Variants in ATE1 observed in about 807,000 individuals in gnomAD.
The protein encoded by ATE1 is arginyl-tRNA--protein transferase 1.
A neutral mutation model predicts 70.5 loss-of-function variants in ATE1; 36 were observed. The observed-to-expected ratio is 0.51, with a 90% CI of 0.39 to 0.67. The LOEUF (loss-of-function observed/expected upper bound fraction) is 0.67, where lower values mean the gene tolerates loss of function less well. Among genes scored for constraint, ATE1 ranks in the 30% least tolerant of loss-of-function variants. The pLI, the probability that ATE1 is intolerant of heterozygous loss-of-function variation, is 0.00. For synonymous variants in ATE1, 232 were observed against 219.3 expected, an observed-to-expected ratio of 1.06 and a Z score of -0.51; for missense variants, 593 against 629.5, an observed-to-expected ratio of 0.94 and a Z score of 0.62.
At chr10:121,905,832 C>T (rs908907991) in intron 5 of ATE1, among the ~76,000 whole-genome samples, 7 of 142,626 alleles carry the variant, frequency 4.9e-5, no homozygotes, top group East Asian at 4.2e-4. Flanking sequence ...AGCAACACAG[C>T]GAGACTCTGT....
At position 121,924,344 on chromosome 10, in the gene ATE1, AGTGT is replaced by A; in HGVS notation, c.107-19_107-16del. 3.1e-6 allele frequency: 5 copies of A among 1,611,266 alleles called. No homozygotes were observed. The highest frequency in any genetic ancestry group is 4.2e-6 in the Non-Finnish European group (5 of 1,177,468). On this transcript the variant is annotated splice_polypyrimidine_tract_variant and intron_variant, in intron 1 of 11. Transcript: ENST00000224652. Reference sequence around the variant, plus strand: ...TGCCCACATGCCTGAAAAAATAAGTAGTGTGTTAATTACGGCAGGGTAACCTTTT... The same window carrying A: ...TGCCCACATGCCTGAAAAAATAAGTAGTTAATTACGGCAGGGTAACCTTTT...
In ATE1 at chr10:121,747,383, C is replaced by G. The variant is rs566348499; in HGVS notation, c.1379-3525G>C. ...TCCTGCAGGCTCAGCTGGTCTCCAA[C>G]TGGGTTCAGCCAGTAACAAGAGACT... On this transcript the variant is annotated intron_variant, in intron 11 of 11. Coordinates refer to ENST00000224652, the MANE Select transcript of ATE1 (RefSeq NM_001001976.3). Among the ~76,000 whole-genome samples, 17 of 152,286 alleles carry G rather than the reference C, an allele frequency of 1.1e-4. No homozygotes were observed. The East Asian group carries it at 3.1e-3, about 28-fold the overall frequency.
At chr10:121,835,303 C>A (rs1365891176) in intron 10 of ATE1, among the ~76,000 whole-genome samples, 1 of 152,104 alleles carries the variant, frequency 6.6e-6, no homozygotes, top group Non-Finnish European at 1.5e-5. Flanking sequence ...ACCAGCAAGG[C>A]ACTGCTTTTT....
intron 11 of ATE1, among the ~76,000 whole-genome samples, chr10:121,770,233 AAC>A (rs3036837): frequency 0.036 from 4,967 of 136,884 alleles, 126 homozygotes; most frequent in East Asian, 0.16. Context: ...ACAAGAGAGA[AAC>A]ACACACACAC....
At chr10:121,861,518 C>T (rs949187875) in intron 8 of ATE1, among the ~76,000 whole-genome samples, 4 of 148,810 alleles carry the variant, frequency 2.7e-5, no homozygotes, top group Non-Finnish European at 4.4e-5. Flanking sequence ...CGCATATTCT[C>T]ACTCATAGGT....
intron 7 of ATE1, among the ~76,000 whole-genome samples, chr10:121,875,984 A>C (rs1251720108): frequency 3.9e-5 from 6 of 152,216 alleles, no homozygotes; most frequent in Non-Finnish European, 7.3e-5. Flanking sequence ...GGTCCCTACC[A>C]GCTCTGATTT....
At chr10:121,841,731 A>C (rs914359168) in intron 8 of ATE1, among the ~76,000 whole-genome samples, 12 of 152,146 alleles carry the variant, frequency 7.9e-5, no homozygotes, top group African/African-American at 2.9e-4. Flanking sequence ...ACACAAAAAC[A>C]TAAGAATGAC....
At chr10:121,905,821 A>G (rs986619571) in intron 5 of ATE1, among the ~76,000 whole-genome samples, 2 of 150,640 alleles carry the variant, frequency 1.3e-5, no homozygotes, top group Non-Finnish European at 2.9e-5. Flanking sequence ...CTCCAGGCCT[A>G]AGCAACACAG....
intron 11 of ATE1, among the ~76,000 whole-genome samples, chr10:121,764,360 G>A (rs1242132936): frequency 6.6e-6 from 1 of 151,820 alleles, no homozygotes; most frequent in Non-Finnish European, 1.5e-5. Context: ...ACAAAGGCTG[G>A]GCACAGTGGC....
chr10:121,744,430 T>C (rs1209195575), intron 11 of ATE1, among the ~76,000 whole-genome samples: 1 of 152,136 alleles, frequency 6.6e-6, no homozygotes, highest in Non-Finnish European at 1.5e-5. Context: ...AAAATGTGTC[T>C]AATTAGAACA....
chr10:121,928,246 G>A (rs1952187082), upstream of ATE1: 3 of 1,404,286 alleles, frequency 2.1e-6, no homozygotes, highest in Non-Finnish European at 2.8e-6. Context: ...AGTCAAGAGG[G>A]GAAGGGAAGC....
chr10:121,839,346 T>TTA (rs1377576264), intron 9 of ATE1, among the ~76,000 whole-genome samples: 1 of 152,206 alleles, frequency 6.6e-6, no homozygotes, highest in Non-Finnish European at 1.5e-5. Context: ...AGGCCAGAGC[T>TTA]TATTATGTAG....
chr10:121,918,059 C>T (rs1446784630), intron 3 of ATE1, among the ~76,000 whole-genome samples: 3 of 152,100 alleles, frequency 2.0e-5, no homozygotes, highest in African/African-American at 4.8e-5. Flanking sequence ...TGTGGCTGGG[C>T]CCAGTGGCTC....
At chr10:121,835,265 A>G (rs146678297) in intron 10 of ATE1, among the ~76,000 whole-genome samples, 46 of 152,222 alleles carry the variant, frequency 3.0e-4, no homozygotes, top group African/African-American at 1.0e-3. Flanking sequence ...GGACACCTTG[A>G]TCAGCTTACC....
At chr10:121,853,732 C>A (rs774652157) in intron 8 of ATE1, among the ~76,000 whole-genome samples, 7 of 152,080 alleles carry the variant, frequency 4.6e-5, no homozygotes, top group Non-Finnish European at 1.0e-4. Flanking sequence ...CTTAGTCTAT[C>A]CAGGCTGCTA....
At chr10:121,836,857 CT>C (rs1357459236) in intron 9 of ATE1, 40 bp from the exon 10 acceptor site, 10 of 1,271,968 alleles carry the variant, frequency 7.9e-6, no homozygotes, top group African/African-American at 1.5e-5. Flanking sequence ...GCAGTTAATT[CT>C]GGTTCTAATG....
At chr10:121,762,722 G>C (rs551327433) in intron 11 of ATE1, among the ~76,000 whole-genome samples, 1 of 152,266 alleles carries the variant, frequency 6.6e-6, no homozygotes, top group East Asian at 1.9e-4. Flanking sequence ...GATAGGCTCC[G>C]GTCCCTTGAT....
chr10:121,873,774 T>C (rs1949941535), intron 7 of ATE1, among the ~76,000 whole-genome samples: 1 of 152,076 alleles, frequency 6.6e-6, no homozygotes, highest in South Asian at 2.1e-4. Flanking sequence ...TCAAGCCACT[T>C]TGCTCCTGAA....
rs138131719 is a variant in ATE1 at position 121,814,855 on chromosome 10, G to A, written c.1257+21863C>T. 4.9e-3 allele frequency among the ~76,000 whole-genome samples: 744 copies of A among 152,240 alleles called. 4 individuals carry two copies. The highest frequency in any genetic ancestry group is 0.012 in the African/African-American group (496 of 41,554). ...GGTTCTAAGAGATTGAAGCACATGA[G>A]CACAGGACATACCAAACATCTCTGC... On this transcript the variant is annotated intron_variant, in intron 10 of 11. Transcript: ENST00000224652.
Sources: allele counts gnomAD v4.1 joint callset (sites outside exome capture counted in the v4.1 genomes callset), GRCh38; gene constraint gnomAD v4.1.1; transcripts MANE v1.5; gene names NCBI Gene and HGNC (gene_info 2026-07-23, HGNC 2026-07-21).